Variants in IMMP2L observed in about 807,000 individuals in gnomAD.
The protein encoded by IMMP2L is mitochondrial inner membrane protease subunit 2.
In IMMP2L, 18 loss-of-function variants were observed where a neutral mutation model predicts 19.3. That is an observed-to-expected ratio of 0.93 (90% CI 0.64 to 1.38). The LOEUF (loss-of-function observed/expected upper bound fraction) is 1.38. Among genes scored for constraint, IMMP2L ranks in the 40% most tolerant of loss-of-function variants. The pLI, the probability that IMMP2L is intolerant of heterozygous loss-of-function variation, is 0.00. For missense variants in IMMP2L, 233 were observed against 218.2 expected (o/e 1.07, Z -0.43); for synonymous variants, 76 against 73.0 (o/e 1.04, Z -0.21).
intron 3 of IMMP2L, among the ~76,000 whole-genome samples, chr7:111,196,281 T>C (rs886635353): frequency 1.3e-5 from 2 of 152,198 alleles, no homozygotes; most frequent in Non-Finnish European, 1.5e-5. Context: ...AACAAAATGC[T>C]TTACGGTGCT....
intron 3 of IMMP2L, among the ~76,000 whole-genome samples, chr7:111,291,441 G>A (rs1057069497): frequency 1.3e-5 from 2 of 152,180 alleles, no homozygotes; most frequent in Non-Finnish European, 2.9e-5. Context: ...ACTTTTGACA[G>A]ATGTCCTTGT....
chr7:111,209,228 T>C (rs1811043676), intron 3 of IMMP2L, among the ~76,000 whole-genome samples: 1 of 151,818 alleles, frequency 6.6e-6, no homozygotes, highest in Non-Finnish European at 1.5e-5. Context: ...AAACTCCCTC[T>C]CTAATAAAAA....
intron 3 of IMMP2L, among the ~76,000 whole-genome samples, chr7:111,049,113 T>C (rs1423024186): frequency 7.4e-6 from 1 of 134,442 alleles, no homozygotes; most frequent in East Asian, 2.3e-4. Flanking sequence ...ATTTTTATGA[T>C]ACTTCTTTTT....
intron 4 of IMMP2L, among the ~76,000 whole-genome samples, chr7:110,921,126 T>G (rs10268826): frequency 0.035 from 5,402 of 152,302 alleles, 325 homozygotes; most frequent in African/African-American, 0.12. Flanking sequence ...TTTTGAAGCA[T>G]TTAAGTGAGA....
intron 3 of IMMP2L, among the ~76,000 whole-genome samples, chr7:111,303,792 A>C (rs945335750): frequency 6.6e-6 from 1 of 152,078 alleles, no homozygotes; most frequent in Non-Finnish European, 1.5e-5. Context: ...AGGGTTCTTC[A>C]GGGATTTCAT....
chr7:111,391,665 T>A (rs976802445), intron 3 of IMMP2L, among the ~76,000 whole-genome samples: 3 of 152,160 alleles, frequency 2.0e-5, no homozygotes, highest in Non-Finnish European at 4.4e-5. Context: ...TTATAGGTAA[T>A]GCACTGCCTT....
At chr7:111,365,216 T>C (rs1829657935) in intron 3 of IMMP2L, among the ~76,000 whole-genome samples, 1 of 152,104 alleles carries the variant, frequency 6.6e-6, no homozygotes, top group Admixed American at 6.6e-5. Context: ...CTTAGTTTCC[T>C]GTACTTCACG....
At chr7:110,725,858 T>C (rs748746058) in intron 5 of IMMP2L, 1 of 152,230 alleles carries the variant, frequency 6.6e-6, no homozygotes, top group African/African-American at 2.4e-5. Flanking sequence ...GTGGTATTAG[T>C]AATCACAAGT....
chr7:111,281,204 AAG>A (rs1190817319), intron 3 of IMMP2L, among the ~76,000 whole-genome samples: 271 of 49,214 alleles, frequency 5.5e-3, no homozygotes, highest in East Asian at 0.032. Flanking sequence ...GAAAGAAAGA[AAG>A]AAAGAAAGAA....
At chr7:111,272,747 C>T (rs1282122062) in intron 3 of IMMP2L, among the ~76,000 whole-genome samples, 1 of 152,164 alleles carries the variant, frequency 6.6e-6, no homozygotes, top group Non-Finnish European at 1.5e-5. Context: ...ATTGGGCTCA[C>T]CTAGCCCTTT....
At chr7:110,796,413 C>T (rs540067450) in intron 5 of IMMP2L, among the ~76,000 whole-genome samples, 6 of 152,114 alleles carry the variant, frequency 3.9e-5, no homozygotes, top group East Asian at 1.9e-4. Flanking sequence ...TCCAACACAA[C>T]AATTCAAAAT....
At chr7:110,942,903 A>G (rs1816872026) in intron 4 of IMMP2L, among the ~76,000 whole-genome samples, 1 of 151,972 alleles carries the variant, frequency 6.6e-6, no homozygotes, top group Non-Finnish European at 1.5e-5. Flanking sequence ...TATCTTTATC[A>G]GTGACTTGCA....
At chr7:110,970,510 G>C (rs1257867557) in intron 3 of IMMP2L, among the ~76,000 whole-genome samples, 1 of 151,940 alleles carries the variant, frequency 6.6e-6, no homozygotes, top group Non-Finnish European at 1.5e-5. Context: ...AGAAACTTCT[G>C]GTTGTGAAAA....
Position 110,901,528 on chromosome 7 carries a change from A to G in IMMP2L, c.306-14833T>C, listed in dbSNP as rs542580243. 4.6e-5 allele frequency among the ~76,000 whole-genome samples: 7 copies of G among 152,274 alleles called. No homozygotes were observed. In the South Asian group the frequency reaches 1.5e-3, roughly 32 times the overall value. ...GAGGTTAGTTTGTCAACAGTGCTAC[A>G]CTTACTTTGTGAAAATTAAGTCTAA... On this transcript the variant is annotated intron_variant, in intron 4 of 5. Coordinates refer to ENST00000405709, the MANE Select transcript of IMMP2L (RefSeq NM_032549.4).
At chr7:110,917,468 C>T (rs1203298294) in intron 4 of IMMP2L, among the ~76,000 whole-genome samples, 1 of 152,180 alleles carries the variant, frequency 6.6e-6, no homozygotes, top group Admixed American at 6.5e-5. Flanking sequence ...TTACAGTCTT[C>T]TTATTCAACC....
chr7:111,503,651 A>C (rs1419241585), intron 2 of IMMP2L, among the ~76,000 whole-genome samples: 2 of 152,260 alleles, frequency 1.3e-5, no homozygotes, highest in East Asian at 3.9e-4. Flanking sequence ...CCCTGGGATG[A>C]AAGGCTAGTT....
intron 5 of IMMP2L, among the ~76,000 whole-genome samples, chr7:110,834,328 G>A (rs910845554): frequency 2.0e-5 from 3 of 151,686 alleles, no homozygotes; most frequent in African/African-American, 7.3e-5. Context: ...CATAAATCAG[G>A]CCTTACTGGT....
At chr7:111,378,436 A>G (rs1205751413) in intron 3 of IMMP2L, among the ~76,000 whole-genome samples, 1 of 152,018 alleles carries the variant, frequency 6.6e-6, no homozygotes, top group African/African-American at 2.4e-5. Flanking sequence ...AATGTTCATG[A>G]CTTTTATAAT....
At chr7:111,267,618 AG>A (rs1817969480) in intron 3 of IMMP2L, among the ~76,000 whole-genome samples, 1 of 152,172 alleles carries the variant, frequency 6.6e-6, no homozygotes, top group African/African-American at 2.4e-5. Context: ...GCAACTTCTA[AG>A]GAGGACATTC....
Sources: allele counts gnomAD v4.1 joint callset (sites outside exome capture counted in the v4.1 genomes callset), GRCh38; gene constraint gnomAD v4.1.1; transcripts MANE v1.5; gene names NCBI Gene and HGNC (gene_info 2026-07-23, HGNC 2026-07-21).